CDH18: variants seen among roughly 807,000 people sequenced by gnomAD.
The protein encoded by CDH18 is cadherin 18.
Under a neutral mutation model 67.9 loss-of-function variants are expected in CDH18, and 31 were observed. The ratio of observed to expected loss-of-function variants is 0.46; its 90% CI spans 0.34 to 0.62. The LOEUF (loss-of-function observed/expected upper bound fraction) is 0.62. Among genes scored for constraint, CDH18 ranks in the 20% least tolerant of loss-of-function variants. The pLI, the probability that CDH18 is intolerant of heterozygous loss-of-function variation, is 0.01. For missense variants in CDH18, 890 were observed against 975.5 expected, an observed-to-expected ratio of 0.91 and a Z score of 1.17; for synonymous variants, 362 against 347.2, an observed-to-expected ratio of 1.04 and a Z score of -0.48.
At chr5:19,610,285 G>A (rs1748735637) in intron 6 of CDH18, among the ~76,000 whole-genome samples, 1 of 152,162 alleles carries the variant, frequency 6.6e-6, no homozygotes, top group Non-Finnish European at 1.5e-5. Context: ...GTCAGGTAAA[G>A]TGATTATTTT....
At chr5:20,057,799 T>C (rs10473287) in intron 2 of CDH18, among the ~76,000 whole-genome samples, 5,355 of 152,238 alleles carry the variant, frequency 0.035, 312 homozygotes, top group African/African-American at 0.12. Context: ...TTTTATTAGC[T>C]TTCTTTAAAT....
At chr5:20,493,615 G>A (rs1358724295) in intron 1 of CDH18, among the ~76,000 whole-genome samples, 3 of 152,030 alleles carry the variant, frequency 2.0e-5, no homozygotes, top group Non-Finnish European at 4.4e-5. Flanking sequence ...AAGGTGGCAA[G>A]GGAATTCTGG....
chr5:19,958,441 T>G (rs955333590), intron 2 of CDH18, among the ~76,000 whole-genome samples: 2 of 145,678 alleles, frequency 1.4e-5, no homozygotes, highest in African/African-American at 5.0e-5. Context: ...TTAGGACTTA[T>G]GAACTGCCAT....
intron 5 of CDH18, among the ~76,000 whole-genome samples, chr5:19,643,204 G>A (rs1175619477): frequency 6.6e-6 from 1 of 152,074 alleles, no homozygotes; most frequent in Non-Finnish European, 1.5e-5. Flanking sequence ...CGAGGTGATG[G>A]AGAAAGTGAA....
At chr5:19,860,916 A>G in intron 2 of CDH18, among the ~76,000 whole-genome samples, 1 of 152,166 alleles carries the variant, frequency 6.6e-6, no homozygotes. Flanking sequence ...GTCTCTCTAA[A>G]TACCTCTAAG....
intron 2 of CDH18, among the ~76,000 whole-genome samples, chr5:20,150,070 T>C (rs1240025382): frequency 6.6e-6 from 1 of 152,148 alleles, no homozygotes; most frequent in Non-Finnish European, 1.5e-5. Context: ...AGTTTTTTAT[T>C]CAGTGGATTT....
intron 4 of CDH18, among the ~76,000 whole-genome samples, chr5:19,737,246 C>T (rs892305867): frequency 1.3e-5 from 2 of 152,136 alleles, no homozygotes; most frequent in Non-Finnish European, 2.9e-5. Context: ...CACCCAATCA[C>T]TGTGTAGTCA....
chr5:20,362,065 G>A (rs1288257241), intron 1 of CDH18, among the ~76,000 whole-genome samples: 1 of 152,044 alleles, frequency 6.6e-6, no homozygotes, highest in Non-Finnish European at 1.5e-5. Flanking sequence ...GGAAGTATAC[G>A]TACATATTCT....
intron 1 of CDH18, among the ~76,000 whole-genome samples, chr5:20,442,784 A>G (rs1251010787): frequency 6.6e-6 from 1 of 151,908 alleles, no homozygotes; most frequent in Non-Finnish European, 1.5e-5. Flanking sequence ...AAGAGAAATA[A>G]TAATTTTGCC....
At chr5:19,808,598 G>A (rs984720874) in intron 3 of CDH18, among the ~76,000 whole-genome samples, 1 of 151,906 alleles carries the variant, frequency 6.6e-6, no homozygotes, top group African/African-American at 2.4e-5. Context: ...GGCCGAGGTG[G>A]GTGAATCACC....
chr5:19,804,633 G>T (rs1393130181), intron 3 of CDH18, among the ~76,000 whole-genome samples: 2 of 152,090 alleles, frequency 1.3e-5, no homozygotes, highest in Non-Finnish European at 2.9e-5. Context: ...TCCAGGGCCA[G>T]CAGGAAATTA....
chr5:19,752,900 T>A (rs1771044662), intron 3 of CDH18, among the ~76,000 whole-genome samples: 1 of 152,120 alleles, frequency 6.6e-6, no homozygotes, highest in Non-Finnish European at 1.5e-5. Context: ...CCTGGTAGAC[T>A]TTTTGGGTGG....
At chr5:20,121,483 A>G (rs997876076) in intron 2 of CDH18, among the ~76,000 whole-genome samples, 4 of 152,150 alleles carry the variant, frequency 2.6e-5, no homozygotes, top group Non-Finnish European at 5.9e-5. Flanking sequence ...TGTACAGTAG[A>G]TATTTACCAC....
intron 2 of CDH18, among the ~76,000 whole-genome samples, chr5:20,196,138 T>C (rs1738956329): frequency 6.6e-6 from 1 of 152,172 alleles, no homozygotes; most frequent in Admixed American, 6.6e-5. Flanking sequence ...GGGTGTTGTT[T>C]CTGCATTTTT....
At chr5:19,497,789 A>T (rs755502204) in intron 11 of CDH18, among the ~76,000 whole-genome samples, 9 of 152,230 alleles carry the variant, frequency 5.9e-5, no homozygotes, top group Non-Finnish European at 1.3e-4. Flanking sequence ...TTAAGAAGTT[A>T]TAATAAGAAC....
At chr5:20,471,337 A>C (rs1344655071) in intron 1 of CDH18, among the ~76,000 whole-genome samples, 1 of 152,118 alleles carries the variant, frequency 6.6e-6, no homozygotes, top group Non-Finnish European at 1.5e-5. Flanking sequence ...GAGTTATTGC[A>C]GTAGCTTCTA....
At chr5:19,474,046 G>C (rs1056848425) in intron 12 of CDH18, among the ~76,000 whole-genome samples, 1 of 152,034 alleles carries the variant, frequency 6.6e-6, no homozygotes, top group African/African-American at 2.4e-5. Context: ...ATAAACACAT[G>C]ATGAAAAAAT....
intron 1 of CDH18, among the ~76,000 whole-genome samples, chr5:20,486,114 G>T (rs1294543063): frequency 6.6e-6 from 1 of 152,150 alleles, no homozygotes; most frequent in East Asian, 1.9e-4. Flanking sequence ...AGGATGTGCT[G>T]GTGCCTTCTT....
At chr5:19,526,309 T>G (rs368004284) in intron 9 of CDH18, among the ~76,000 whole-genome samples, 2 of 152,268 alleles carry the variant, frequency 1.3e-5, no homozygotes, top group East Asian at 1.9e-4. Context: ...TCATCTGTGC[T>G]TTATGCAACA....
Sources: allele counts gnomAD v4.1 joint callset (sites outside exome capture counted in the v4.1 genomes callset), GRCh38; gene constraint gnomAD v4.1.1; transcripts MANE v1.5; gene names NCBI Gene and HGNC (gene_info 2026-07-23, HGNC 2026-07-21).